Variants in EMC8 observed in about 807,000 individuals in gnomAD.
EMC8 encodes the protein ER membrane protein complex subunit 8, also known as COX4 neighbor.
Under a neutral mutation model 24.3 loss-of-function variants are expected in EMC8, and 11 were observed. The ratio of observed to expected loss-of-function variants is 0.45; its 90% CI spans 0.28 to 0.75. The LOEUF (loss-of-function observed/expected upper bound fraction) is 0.75, where lower values mean the gene tolerates loss of function less well. EMC8 is among the 30% of genes least tolerant of loss of function. The pLI, the probability that EMC8 is intolerant of heterozygous loss-of-function variation, is 0.12. For synonymous variants in EMC8, 145 were observed against 117.7 expected, an observed-to-expected ratio of 1.23 and a Z score of -1.50; for missense variants, 277 against 282.7, an observed-to-expected ratio of 0.98 and a Z score of 0.14.
intron 1 of EMC8, among the ~76,000 whole-genome samples, chr16:85,794,239 A>G (rs1021759356): frequency 1.1e-4 from 16 of 152,332 alleles, no homozygotes; most frequent in African/African-American, 3.1e-4. Flanking sequence ...AGTGAATAAT[A>G]TAAATTTAAT....
chr16:85,793,608 G>A (rs889958601), intron 1 of EMC8, among the ~76,000 whole-genome samples: 1 of 152,182 alleles, frequency 6.6e-6, no homozygotes, highest in African/African-American at 2.4e-5. Context: ...GAGCTCCAGG[G>A]CAGCCGCCGT....
At chr16:85,787,809 G>A (rs936787360) in intron 2 of EMC8, among the ~76,000 whole-genome samples, 18 of 152,212 alleles carry the variant, frequency 1.2e-4, no homozygotes, top group East Asian at 9.6e-4. Context: ...TCCTGTGCCT[G>A]GACCCAGCCC....
chr16:85,780,505 C>G, intron 3 of EMC8, 32 bp from the exon 4 acceptor site: 1 of 1,546,508 alleles, frequency 6.5e-7, no homozygotes, highest in Non-Finnish European at 8.9e-7. Context: ...CGAGAGTGAA[C>G]AGAATGCCAG....
At chr16:85,788,603 A>G (rs1904861952) in intron 2 of EMC8, among the ~76,000 whole-genome samples, 1 of 152,210 alleles carries the variant, frequency 6.6e-6, no homozygotes, top group Non-Finnish European at 1.5e-5. Context: ...AGGCTGGTCT[A>G]TTTACCGGCA....
At chr16:85,798,993 G>T in intron 1 of EMC8, 72 bp downstream of exon 1, 3 of 1,131,194 alleles carry the variant, frequency 2.7e-6, no homozygotes, top group Non-Finnish European at 3.8e-6. Flanking sequence ...CGACCGCTGG[G>T]CCAGCTTCCT....
chr16:85,795,091 C>T (rs1349777013), intron 1 of EMC8, among the ~76,000 whole-genome samples: 1 of 152,002 alleles, frequency 6.6e-6, no homozygotes, highest in Non-Finnish European at 1.5e-5. Flanking sequence ...ATAGTCGGAA[C>T]AGAAGTGTTT....
chr16:85,789,309 T>G (rs1291164235), intron 1 of EMC8, among the ~76,000 whole-genome samples: 1 of 152,256 alleles, frequency 6.6e-6, no homozygotes, highest in Non-Finnish European at 1.5e-5. Flanking sequence ...GGTACAGTGC[T>G]GCAGAGAGTC....
intron 3 of EMC8, 28 bp downstream of exon 3, chr16:85,781,183 T>A: frequency 6.3e-7 from 1 of 1,589,618 alleles, no homozygotes; most frequent in South Asian, 1.1e-5. Context: ...CGCAAGGGCC[T>A]CCCACATGCT....
intron 2 of EMC8, among the ~76,000 whole-genome samples, chr16:85,788,676 C>T (rs1382287028): frequency 6.6e-6 from 1 of 152,208 alleles, no homozygotes; most frequent in Non-Finnish European, 1.5e-5. Context: ...GAAGGGGAAG[C>T]AAGGCAGAGC....
At chr16:85,798,880 G>A (rs779506657) in intron 1 of EMC8, 185 bp downstream of exon 1, 67 of 537,008 alleles carry the variant, frequency 1.2e-4, no homozygotes, top group African/African-American at 1.9e-4. Flanking sequence ...CTGCTACTAC[G>A]GGACGCTATT....
chr16:85,788,398 T>C (rs1032898058), intron 2 of EMC8, among the ~76,000 whole-genome samples: 26 of 152,274 alleles, frequency 1.7e-4, no homozygotes, highest in African/African-American at 5.8e-4. Context: ...CCTCCTCAGA[T>C]TATCACCACC....
intron 1 of EMC8, among the ~76,000 whole-genome samples, chr16:85,797,833 A>G (rs1905304797): frequency 6.6e-6 from 1 of 152,252 alleles, no homozygotes. Context: ...TTATTCTTAA[A>G]TGAAAAACAA....
chr16:85,788,756 A>T, intron 2 of EMC8: 1 of 574,222 alleles, frequency 1.7e-6, no homozygotes, highest in Non-Finnish European at 3.1e-6. Flanking sequence ...CAAAATAAAG[A>T]AGACACAAAA....
chr16:85,781,021 G>A, intron 3 of EMC8, 190 bp downstream of exon 3: 1 of 586,760 alleles, frequency 1.7e-6, no homozygotes, highest in South Asian at 2.0e-5. Flanking sequence ...GTGTAGTGAT[G>A]CGGAAGCACA....
At position 85,779,819 on chromosome 16, in the gene EMC8, G is replaced by T; in HGVS notation, c.522C>A (p.Leu174=). 2 of 1,614,148 alleles carry T rather than the reference G, an allele frequency of 1.2e-6. No homozygotes were observed. Among genetic ancestry groups the T allele is most frequent in the Non-Finnish European group, 1.7e-6 (2 of 1,180,020 alleles). The change falls in exon 5 of 5, where the codon CTC becomes CTA. Residue 174 remains leucine, a synonymous_variant. Coordinates refer to ENST00000253457, the MANE Select transcript of EMC8 (RefSeq NM_006067.5). ...GCGTCTCGTAGGACCGGCTGTCCAG[G>T]AGCGAGGCTGAGATCCTCTGTGCCT... ...WPEAQRISAS[L]LDSRSYETLV...
chr16:85,781,093 G>A (rs2152072206), intron 3 of EMC8, 118 bp downstream of exon 3: 2 of 703,056 alleles, frequency 2.8e-6, no homozygotes, highest in African/African-American at 1.8e-5. Flanking sequence ...AGGCGGCAAT[G>A]GTCTCAAGCA....
At chr16:85,796,810 C>T (rs557422680) in intron 1 of EMC8, among the ~76,000 whole-genome samples, 1 of 152,338 alleles carries the variant, frequency 6.6e-6, no homozygotes, top group South Asian at 2.1e-4. Context: ...AACCTGACTG[C>T]CCTGATTGCC....
At chr16:85,798,719 TC>T (rs1905404379) in intron 1 of EMC8, 2 of 272,426 alleles carry the variant, frequency 7.3e-6, no homozygotes, top group Non-Finnish European at 6.9e-6. Context: ...CGTGAACACT[TC>T]CTGCAACTCG....
Position 85,799,140 on chromosome 16 carries a change from G to A in EMC8, c.156C>T (p.Thr52=). The A allele has an allele frequency of 6.2e-7, 1 of 1,603,186 alleles. No homozygotes were observed. Among genetic ancestry groups the A allele is most frequent in the East Asian group, 2.3e-5 (1 of 44,274 alleles). The stretch of plus-strand genomic sequence containing the variant: ...AGAGGGGGATGCAGTCCACGAAGAG[G>A]GTGTGGTGGGCGCCGGGGCCGCCCA... ...LPLGGPGAHH[T]LFVDCIPLFH... Residue 52 remains threonine (T), a synonymous_variant, in exon 1 of 5, where the codon ACC becomes ACT. Transcript: ENST00000253457. The surrounding 1 kb of genome is among the most constrained non-coding windows in gnomAD (Gnocchi z 4.2).
Sources: allele counts gnomAD v4.1 joint callset (sites outside exome capture counted in the v4.1 genomes callset), GRCh38; gene constraint gnomAD v4.1.1; non-coding constraint Gnocchi (gnomAD v3.1); transcripts MANE v1.5; gene names NCBI Gene and HGNC (gene_info 2026-07-23, HGNC 2026-07-21).